Variants in KHDRBS2 observed in about 807,000 individuals in gnomAD.
KHDRBS2 encodes KH RNA binding domain containing, signal transduction associated 2.
A neutral mutation model predicts 44.3 loss-of-function variants in KHDRBS2; 26 were observed. That is an observed-to-expected ratio of 0.59 (90% CI 0.43 to 0.81). KHDRBS2 has a LOEUF of 0.81. Among genes scored for constraint, KHDRBS2 ranks in the 40% least tolerant of loss-of-function variants. The pLI is 0.00. For synonymous variants in KHDRBS2, 194 were observed against 151.1 expected (o/e 1.28, Z -2.08); for missense variants, 476 against 433.1 (o/e 1.10, Z -0.88).
intron 3 of KHDRBS2, among the ~76,000 whole-genome samples, chr6:62,037,712 C>T (rs1174699000): frequency 6.6e-6 from 1 of 151,724 alleles, no homozygotes. Flanking sequence ...TATAGTGATG[C>T]TAAAATTGTA....
the KHDRBS2 span, among the ~76,000 whole-genome samples, chr6:61,674,014 T>C: frequency 1.3e-5 from 2 of 151,802 alleles, no homozygotes; most frequent in African/African-American, 4.8e-5. Context: ...AGAGTTTTGA[T>C]CTACAGATTG....
At chr6:61,576,089 C>CCAAAA in the KHDRBS2 span, among the ~76,000 whole-genome samples, 3 of 151,192 alleles carry the variant, frequency 2.0e-5, no homozygotes, top group Admixed American at 6.6e-5. Context: ...ACTTGTTCCC[C>CCAAAA]CAAAACAAAA....
chr6:61,871,478 A>C (rs1036803004), intron 6 of KHDRBS2, among the ~76,000 whole-genome samples: 4 of 152,206 alleles, frequency 2.6e-5, no homozygotes, highest in Non-Finnish European at 5.9e-5. Flanking sequence ...GCAAGACAGA[A>C]TAACATTCAA....
chr6:61,933,369 GAC>G (rs34718972), intron 4 of KHDRBS2, among the ~76,000 whole-genome samples: 58,810 of 151,922 alleles, frequency 0.39, 11,536 homozygotes, highest in Admixed American at 0.47. Flanking sequence ...AGTCATATGA[GAC>G]ACATAGCTTG....
intron 1 of KHDRBS2, among the ~76,000 whole-genome samples, chr6:62,189,606 A>G (rs953772703): frequency 6.6e-6 from 1 of 152,136 alleles, no homozygotes; most frequent in African/African-American, 2.4e-5. Context: ...AGAGGCAGGA[A>G]GATCAGTTGT....
chr6:61,776,853 G>T (rs540373677), intron 6 of KHDRBS2, among the ~76,000 whole-genome samples: 4 of 152,168 alleles, frequency 2.6e-5, no homozygotes, highest in Non-Finnish European at 5.9e-5. Context: ...GTTTATAGTG[G>T]CACTATTCAC....
intron 4 of KHDRBS2, among the ~76,000 whole-genome samples, chr6:61,901,939 T>G (rs1042464500): frequency 3.3e-5 from 5 of 152,110 alleles, no homozygotes; most frequent in East Asian, 1.9e-4. Flanking sequence ...AAATATTTAT[T>G]TATTTATTTT....
chr6:61,555,485 A>G, the KHDRBS2 span, among the ~76,000 whole-genome samples: 4 of 152,018 alleles, frequency 2.6e-5, no homozygotes, highest in Non-Finnish European at 5.9e-5. Context: ...ATTCCTTTCT[A>G]TCTTCTGAAT....
chr6:61,589,263 C>T, the KHDRBS2 span, among the ~76,000 whole-genome samples: 4 of 152,062 alleles, frequency 2.6e-5, no homozygotes, highest in Non-Finnish European at 5.9e-5. Context: ...AAATAGGTAT[C>T]AAGATTTTAT....
chr6:62,256,243 C>A (rs146524035), intron 1 of KHDRBS2, among the ~76,000 whole-genome samples: 2 of 152,016 alleles, frequency 1.3e-5, no homozygotes, highest in Admixed American at 1.3e-4. Flanking sequence ...ACATTAGATT[C>A]CAAGCTGAAT....
chr6:61,849,604 G>C (rs1461399848), intron 6 of KHDRBS2, among the ~76,000 whole-genome samples: 4 of 151,048 alleles, frequency 2.6e-5, no homozygotes, highest in African/African-American at 9.7e-5. Flanking sequence ...TCAGTGGCCT[G>C]ACAAGTAATG....
At chr6:61,553,078 A>T in the KHDRBS2 span, among the ~76,000 whole-genome samples, 1 of 152,282 alleles carries the variant, frequency 6.6e-6, no homozygotes, top group South Asian at 2.1e-4. Context: ...TAGGAATAAT[A>T]CTTGCTCTTC....
At chr6:61,866,415 G>T (rs1378598183) in intron 6 of KHDRBS2, among the ~76,000 whole-genome samples, 1 of 152,186 alleles carries the variant, frequency 6.6e-6, no homozygotes, top group Admixed American at 6.5e-5. Context: ...GAGCAGCTCG[G>T]ATGCAGGGCA....
At chr6:62,094,688 T>C (rs1399310374) in intron 2 of KHDRBS2, among the ~76,000 whole-genome samples, 1 of 151,960 alleles carries the variant, frequency 6.6e-6, no homozygotes, top group Non-Finnish European at 1.5e-5. Flanking sequence ...CTTTTGTAGT[T>C]TCAGTTCTTA....
intron 4 of KHDRBS2, among the ~76,000 whole-genome samples, chr6:61,919,157 C>T (rs1217351642): frequency 6.6e-6 from 1 of 151,738 alleles, no homozygotes; most frequent in Non-Finnish European, 1.5e-5. Flanking sequence ...GGGAACAAGA[C>T]TGTATGAAAT....
intron 4 of KHDRBS2, among the ~76,000 whole-genome samples, chr6:61,956,124 G>A (rs1481869798): frequency 1.3e-5 from 2 of 151,882 alleles, no homozygotes. Context: ...AACCCGGGAG[G>A]CACAGGCTGC....
chr6:62,191,598 A>G (rs1274239851), intron 1 of KHDRBS2, among the ~76,000 whole-genome samples: 2 of 152,144 alleles, frequency 1.3e-5, no homozygotes, highest in Non-Finnish European at 2.9e-5. Flanking sequence ...ATTACAATAG[A>G]TAACTTAGAA....
At chr6:61,552,489 T>G in the KHDRBS2 span, among the ~76,000 whole-genome samples, 11 of 152,288 alleles carry the variant, frequency 7.2e-5, no homozygotes, top group Non-Finnish European at 1.5e-4. Context: ...CTCTTACTAC[T>G]TGGATGTGTT....
chr6:62,079,670 T>G (rs1226600689), intron 2 of KHDRBS2, among the ~76,000 whole-genome samples: 2 of 152,080 alleles, frequency 1.3e-5, no homozygotes, highest in Non-Finnish European at 2.9e-5. Flanking sequence ...CATGAAACTT[T>G]GAAAATACAG....
Sources: gnomAD v4.1 joint callset for allele counts (sites outside exome capture counted in the v4.1 genomes callset) on GRCh38, gnomAD v4.1.1 for gene constraint, MANE v1.5 for transcripts, NCBI Gene and HGNC (gene_info 2026-07-23, HGNC 2026-07-21) for gene names.